Variants in ADCY2 observed in about 807,000 individuals in gnomAD.
ADCY2 encodes adenylate cyclase 2.
Under a neutral mutation model 125.2 loss-of-function variants are expected in ADCY2, and 31 were observed. The observed-to-expected ratio is 0.25, with a 90% CI of 0.19 to 0.33. ADCY2 has a LOEUF of 0.33. Ranked by LOEUF, ADCY2 falls within the 10% of genes least tolerant of loss-of-function variation. The pLI is 1.00. For missense variants in ADCY2, 904 were observed against 1,418.2 expected, an observed-to-expected ratio of 0.64 and a Z score of 5.82; for synonymous variants, 512 against 548.4, an observed-to-expected ratio of 0.93 and a Z score of 0.93.
At chr5:7,413,864 TTGTGTGTCAAAATAAA>T (rs2126328966) in intron 1 of ADCY2, among the ~76,000 whole-genome samples, 1 of 152,220 alleles carries the variant, frequency 6.6e-6, no homozygotes, top group Non-Finnish European at 1.5e-5. Context: ...TAAAAAAAAA[TTGTGTGTCAAAATAAA>T]TGTAAAGAAA....
At chr5:7,596,724 C>G (rs541824155) in intron 3 of ADCY2, among the ~76,000 whole-genome samples, 2 of 152,160 alleles carry the variant, frequency 1.3e-5, no homozygotes, top group Non-Finnish European at 2.9e-5. Flanking sequence ...CTGCATCTAC[C>G]CCACCTGTGT....
At chr5:7,407,385 G>T (rs1219203642) in intron 1 of ADCY2, among the ~76,000 whole-genome samples, 12 of 152,268 alleles carry the variant, frequency 7.9e-5, no homozygotes, top group African/African-American at 2.6e-4. Flanking sequence ...TCACAGTTCT[G>T]CATTGCTGGG....
chr5:7,766,815 A>T lies in ADCY2; in HGVS notation c.2214+9A>T, dbSNP rs781194742. The T allele has an allele frequency of 1.9e-6, 3 of 1,607,280 alleles. No individual in the cohort carries two copies. Among genetic ancestry groups the T allele is most frequent in the East Asian group, 2.2e-5 (1 of 44,814 alleles). ...ATTTATTTTTCCTCCCGGTAAGAAC[A>T]TTGCAATTATGACTGCTTTGGTGGC... On this transcript the variant is annotated intron_variant, in intron 17 of 24. Coordinates refer to ENST00000338316, the MANE Select transcript of ADCY2 (RefSeq NM_020546.3).
intron 4 of ADCY2, among the ~76,000 whole-genome samples, chr5:7,662,668 A>G (rs1400712129): frequency 6.6e-6 from 1 of 152,120 alleles, no homozygotes; most frequent in African/African-American, 2.4e-5. Flanking sequence ...TTATTCTCTT[A>G]CCCCCAAAGC....
chr5:7,556,237 T>G (rs1735503334), intron 3 of ADCY2, among the ~76,000 whole-genome samples: 1 of 152,202 alleles, frequency 6.6e-6, no homozygotes, highest in Non-Finnish European at 1.5e-5. Flanking sequence ...CTCCTTTGTG[T>G]GCAGTAATTC....
intron 3 of ADCY2, among the ~76,000 whole-genome samples, chr5:7,576,297 G>A (rs912943586): frequency 6.6e-6 from 1 of 152,234 alleles, no homozygotes; most frequent in Admixed American, 6.5e-5. Flanking sequence ...GAGGGACAGG[G>A]TTGGCTGGAA....
At chr5:7,411,206 G>A (rs1739703754) in intron 1 of ADCY2, among the ~76,000 whole-genome samples, 1 of 152,148 alleles carries the variant, frequency 6.6e-6, no homozygotes. Context: ...GTTTTTCAGT[G>A]GGCCCAGCTT....
At chr5:7,453,955 A>G (rs998484824) in intron 2 of ADCY2, among the ~76,000 whole-genome samples, 3 of 152,184 alleles carry the variant, frequency 2.0e-5, no homozygotes. Flanking sequence ...CTGAGATCTT[A>G]TTAAGAAGAT....
intron 3 of ADCY2, among the ~76,000 whole-genome samples, chr5:7,560,741 T>G (rs1280375740): frequency 6.6e-6 from 1 of 151,998 alleles, no homozygotes; most frequent in Non-Finnish European, 1.5e-5. Context: ...CAGGCTGGAG[T>G]GCAGTGGTGC....
intron 2 of ADCY2, among the ~76,000 whole-genome samples, chr5:7,464,278 A>G (rs1178169918): frequency 6.6e-6 from 1 of 152,086 alleles, no homozygotes; most frequent in Non-Finnish European, 1.5e-5. Context: ...GTCTGACTAC[A>G]CTGAGAGTGC....
intron 3 of ADCY2, among the ~76,000 whole-genome samples, chr5:7,556,686 G>T (rs1709334031): frequency 6.6e-6 from 1 of 152,186 alleles, no homozygotes; most frequent in Admixed American, 6.5e-5. Context: ...CATCAGGTGG[G>T]CAGCAGGCGA....
chr5:7,632,652 C>T (rs1486305028), intron 4 of ADCY2, among the ~76,000 whole-genome samples: 2 of 152,126 alleles, frequency 1.3e-5, no homozygotes, highest in Non-Finnish European at 2.9e-5. Flanking sequence ...TCCAATCCAT[C>T]GGAATGATCT....
At chr5:7,543,672 A>G (rs1735062868) in intron 3 of ADCY2, among the ~76,000 whole-genome samples, 1 of 152,004 alleles carries the variant, frequency 6.6e-6, no homozygotes, top group Non-Finnish European at 1.5e-5. Context: ...CTCTTCCAAA[A>G]CCAAGGGAGA....
chr5:7,635,175 G>A (rs1002260868), intron 4 of ADCY2, among the ~76,000 whole-genome samples: 1 of 152,126 alleles, frequency 6.6e-6, no homozygotes, highest in Non-Finnish European at 1.5e-5. Flanking sequence ...ATACTGAGTG[G>A]GAAGTCACTG....
chr5:7,596,933 T>TA (rs573203983), intron 3 of ADCY2, among the ~76,000 whole-genome samples: 79 of 152,288 alleles, frequency 5.2e-4, no homozygotes, highest in African/African-American at 1.9e-3. Flanking sequence ...ATATAAATGA[T>TA]ACAGCCAAGT....
intron 3 of ADCY2, among the ~76,000 whole-genome samples, chr5:7,592,904 A>G (rs1736895854): frequency 1.3e-5 from 2 of 152,228 alleles, no homozygotes; most frequent in African/African-American, 4.8e-5. Context: ...TATTTCCTTC[A>G]GAAGACAAAA....
At chr5:7,648,635 G>A (rs1738980269) in intron 4 of ADCY2, among the ~76,000 whole-genome samples, 1 of 152,084 alleles carries the variant, frequency 6.6e-6, no homozygotes, top group Non-Finnish European at 1.5e-5. Context: ...CTTACTGTGA[G>A]AATTGAAATA....
chr5:7,687,517 C>T lies in ADCY2; in HGVS notation c.721-3174C>T, dbSNP rs146032670. Among the ~76,000 whole-genome samples the T allele has an allele frequency of 2.9e-3, 438 of 152,214 alleles. 3 individuals carry two copies. Among genetic ancestry groups the T allele is most frequent in the Admixed American group, 0.014 (216 of 15,294 alleles). ...GGTGAGGGCGTGGGACCATGAGGTCCGCTCCCTCCAAAGAGGGAAGTTAGC... is the reference window on the plus strand; with the variant it reads ...GGTGAGGGCGTGGGACCATGAGGTCTGCTCCCTCCAAAGAGGGAAGTTAGC... On this transcript the variant is annotated intron_variant, in intron 4 of 24. Coordinates refer to ENST00000338316, the MANE Select transcript of ADCY2 (RefSeq NM_020546.3).
intron 4 of ADCY2, among the ~76,000 whole-genome samples, chr5:7,647,866 T>C (rs959523839): frequency 1.3e-5 from 2 of 152,210 alleles, no homozygotes; most frequent in African/African-American, 4.8e-5. Flanking sequence ...TTTTCCCCTC[T>C]GTATTGAAAT....
Sources: gnomAD v4.1 joint callset for allele counts (sites outside exome capture counted in the v4.1 genomes callset) on GRCh38, gnomAD v4.1.1 for gene constraint, MANE v1.5 for transcripts, NCBI Gene and HGNC (gene_info 2026-07-23, HGNC 2026-07-21) for gene names.